MAP2: variants seen among roughly 807,000 people sequenced by gnomAD.
MAP2 encodes microtubule-associated protein 2.
Under a neutral mutation model 137.6 loss-of-function variants are expected in MAP2, and 14 were observed. The observed-to-expected ratio is 0.10, with a 90% CI of 0.07 to 0.16. The LOEUF is 0.16. Among genes scored for constraint, MAP2 ranks in the 10% least tolerant of loss-of-function variants. The pLI is 1.00. For missense variants in MAP2, 2,088 were observed against 2,191.5 expected (o/e 0.95, Z 0.94); for synonymous variants, 786 against 782.3 (o/e 1.00, Z -0.08).
intron 1 of MAP2, among the ~76,000 whole-genome samples, chr2:209,490,699 A>G (rs556629740): frequency 6.6e-5 from 10 of 151,844 alleles, no homozygotes; most frequent in African/African-American, 1.7e-4. Flanking sequence ...CAAAAAAGAC[A>G]AAGAAGGACA....
In MAP2 at chr2:209,693,928, T is replaced by C; in HGVS notation, c.1758T>C (p.Ile586=). 6.2e-7 allele frequency: 1 copy of C among 1,612,344 alleles called. No individual in the cohort carries two copies. Among genetic ancestry groups the C allele is most frequent in the Non-Finnish European group, 8.5e-7 (1 of 1,179,450 alleles). ...SALKEEATKS[I]EPGSDYYELS... ...TGAAAGAAGAAGCAACAAAAAGCAT[T>C]GAGCCAGGCAGTGATTACTATGAAC... Residue 586 remains isoleucine (I), a synonymous_variant, in exon 8 of 16, where the codon ATT becomes ATC. Transcript: ENST00000682079.
chr2:209,624,633 G>GCTC (rs1245507941), intron 3 of MAP2, among the ~76,000 whole-genome samples: 1 of 152,150 alleles, frequency 6.6e-6, no homozygotes, highest in Non-Finnish European at 1.5e-5. Flanking sequence ...GAGAATCAAT[G>GCTC]CAGACTGGGC....
chr2:209,508,639 T>C (rs1215160522), intron 2 of MAP2, among the ~76,000 whole-genome samples: 3 of 151,094 alleles, frequency 2.0e-5, no homozygotes, highest in African/African-American at 4.9e-5. Context: ...ATTATTTCTC[T>C]TTTCAGGTTC....
At chr2:209,605,629 G>T (rs559685684) in intron 3 of MAP2, among the ~76,000 whole-genome samples, 8 of 152,192 alleles carry the variant, frequency 5.3e-5, no homozygotes, top group Non-Finnish European at 1.2e-4. Context: ...TTTTCAGCAT[G>T]CTCCTTAAAA....
At chr2:209,575,771 C>G (rs2075280098) in intron 2 of MAP2, among the ~76,000 whole-genome samples, 1 of 152,134 alleles carries the variant, frequency 6.6e-6, no homozygotes, top group South Asian at 2.1e-4. Flanking sequence ...ACCAGTGTCC[C>G]AAACATGTAA....
intron 1 of MAP2, among the ~76,000 whole-genome samples, chr2:209,430,440 T>A (rs992028): frequency 0.56 from 85,458 of 151,558 alleles, 25,926 homozygotes; most frequent in African/African-American, 0.79. Flanking sequence ...CTTTTTTCAT[T>A]GGTGAAATCA....
chr2:209,550,848 A>G (rs1217488424), intron 2 of MAP2, among the ~76,000 whole-genome samples: 12 of 152,118 alleles, frequency 7.9e-5, no homozygotes, highest in Admixed American at 7.9e-4. Context: ...AAACTTCTCA[A>G]AGTTTGGTCA....
chr2:209,583,259 C>G (rs545230994), intron 3 of MAP2, among the ~76,000 whole-genome samples: 1 of 151,752 alleles, frequency 6.6e-6, no homozygotes, highest in African/African-American at 2.4e-5. Context: ...TATTCAAGCT[C>G]TATTGTATTT....
intron 5 of MAP2, chr2:209,661,683 G>T: frequency 1.0e-6 from 1 of 985,448 alleles, no homozygotes; most frequent in Non-Finnish European, 1.2e-6. Context: ...CACGAGGTTT[G>T]TATTGTCACG....
chr2:209,634,304 G>T (rs1246902475), intron 4 of MAP2, among the ~76,000 whole-genome samples: 2 of 152,098 alleles, frequency 1.3e-5, no homozygotes, highest in Non-Finnish European at 2.9e-5. Flanking sequence ...AAACCAAAAG[G>T]ATTAGCTTAT....
At chr2:209,453,478 A>G (rs1320947592) in intron 1 of MAP2, among the ~76,000 whole-genome samples, 1 of 152,186 alleles carries the variant, frequency 6.6e-6, no homozygotes, top group Non-Finnish European at 1.5e-5. Context: ...GTACAGTTTT[A>G]ATACATAACA....
At position 209,710,096 on chromosome 2, in the gene MAP2, C is replaced by T; in HGVS notation, c.4915C>T (p.Pro1639Ser). Residue 1639 changes from proline to serine, a missense_variant, in exon 13 of 16, where the codon CCG becomes TCG. Coordinates refer to ENST00000682079, the MANE Select transcript of MAP2 (RefSeq NM_001375505.1). Reference protein sequence around the residue: ...PGTPKSAILVPSEKKVAIIRT... With the variant: ...PGTPKSAILVSSEKKVAIIRT... ...AACCCCCAAGTCTGCCATCTTGGTGCCGAGTGAGAAGAAGGTCGCCATCAT... is the reference window on the plus strand; with the variant it reads ...AACCCCCAAGTCTGCCATCTTGGTGTCGAGTGAGAAGAAGGTCGCCATCAT... 1.2e-6 allele frequency: 2 copies of T among 1,613,964 alleles called. No homozygotes were observed. The highest frequency in any genetic ancestry group is 2.2e-5 in the South Asian group (2 of 91,066).
rs2153610678 is a variant in MAP2 at position 209,653,097 on chromosome 2, CAGA to C, written c.-29-41_-29-39del. On this transcript the variant is annotated intron_variant, in intron 4 of 15. Transcript: ENST00000682079. ...TATCTTGGTACAACCAATATCAGATCAGAAGATTTCCCCAAAGTAATAGCTACT... is the reference window on the plus strand; with the variant it reads ...TATCTTGGTACAACCAATATCAGATCAGATTTCCCCAAAGTAATAGCTACT... The C allele has an allele frequency of 5.5e-6, 8 of 1,449,116 alleles. No individual in the cohort carries two copies. In the South Asian group the frequency reaches 8.7e-5, roughly 16 times the overall value. The allele number at this position is 1,449,116 out of a possible 1,614,324, so 89.8% of individuals were successfully genotyped here.
At chr2:209,692,601 T>A in intron 7 of MAP2, 24 bp from the exon 8 acceptor site, 2 of 1,530,424 alleles carry the variant, frequency 1.3e-6, no homozygotes, top group Non-Finnish European at 1.7e-6. Context: ...ATTATTTGTT[T>A]AAAAATCAAC....
intron 1 of MAP2, among the ~76,000 whole-genome samples, chr2:209,485,177 G>A (rs2058225790): frequency 6.6e-6 from 1 of 152,206 alleles, no homozygotes; most frequent in African/African-American, 2.4e-5. Flanking sequence ...GATTCTGACT[G>A]TCTTCATGTG....
intron 4 of MAP2, among the ~76,000 whole-genome samples, chr2:209,625,898 A>T (rs1459132095): frequency 1.3e-5 from 2 of 152,174 alleles, no homozygotes; most frequent in African/African-American, 4.8e-5. Flanking sequence ...CCTTTATTTT[A>T]CATCTTTCTT....
chr2:209,490,234 A>G (rs1296845115), intron 1 of MAP2, among the ~76,000 whole-genome samples: 1 of 152,164 alleles, frequency 6.6e-6, no homozygotes. Flanking sequence ...ATGCTGAGGG[A>G]TTTTGTCATC....
chr2:209,449,042 G>A (rs915879930), intron 1 of MAP2, among the ~76,000 whole-genome samples: 2 of 152,266 alleles, frequency 1.3e-5, no homozygotes, highest in South Asian at 4.1e-4. Flanking sequence ...ACTAACCAGG[G>A]TAAGTCTTGT....
At chr2:209,494,512 A>C (rs888608134) in intron 1 of MAP2, among the ~76,000 whole-genome samples, 2 of 152,052 alleles carry the variant, frequency 1.3e-5, no homozygotes, top group African/African-American at 4.8e-5. Context: ...TCACTGCTAT[A>C]GTCCTACCAG....
Sources: gnomAD v4.1 joint callset for allele counts (sites outside exome capture counted in the v4.1 genomes callset) on GRCh38, gnomAD v4.1.1 for gene constraint, MANE v1.5 for transcripts, NCBI Gene and HGNC (gene_info 2026-07-23, HGNC 2026-07-21) for gene names.